ALMS1: variants seen among roughly 807,000 people sequenced by gnomAD.
ALMS1 encodes the protein ALMS1 centrosome and basal body associated protein.
A neutral mutation model predicts 352.2 loss-of-function variants in ALMS1; 271 were observed. That is an observed-to-expected ratio of 0.77 (90% CI 0.70 to 0.85). The LOEUF (loss-of-function observed/expected upper bound fraction) is 0.85. ALMS1 is among the 40% of genes least tolerant of loss of function. The pLI is 0.00. For synonymous variants in ALMS1, 1,865 were observed against 1,761.2 expected, an observed-to-expected ratio of 1.06 and a Z score of -1.48; for missense variants, 5,445 against 4,870.7, an observed-to-expected ratio of 1.12 and a Z score of -3.51.
intron 15 of ALMS1, among the ~76,000 whole-genome samples, chr2:73,559,507 A>G (rs1261788404): frequency 6.6e-6 from 1 of 152,140 alleles, no homozygotes; most frequent in African/African-American, 2.4e-5. Flanking sequence ...ATCAATACAA[A>G]CTTTTAAAAA....
At chr2:73,585,746 G>A (rs1463445215) in intron 16 of ALMS1, among the ~76,000 whole-genome samples, 4 of 50,870 alleles carry the variant, frequency 7.9e-5, no homozygotes, top group Admixed American at 1.6e-4. Flanking sequence ...TTTTTTCCCC[G>A]AGACGGAGTC....
At chr2:73,437,540 T>C (rs1230681484) in intron 7 of ALMS1, among the ~76,000 whole-genome samples, 2 of 152,216 alleles carry the variant, frequency 1.3e-5, no homozygotes, top group African/African-American at 4.8e-5. Context: ...CTTTACAGCC[T>C]TTCTCCCATG....
At chr2:73,428,809 C>G (rs1418066892) in intron 6 of ALMS1, among the ~76,000 whole-genome samples, 1 of 152,188 alleles carries the variant, frequency 6.6e-6, no homozygotes, top group South Asian at 2.1e-4. Flanking sequence ...AGTACTTTTT[C>G]TGCATGGCTT....
chr2:73,448,523 T>C lies in ALMS1; in HGVS notation c.1996T>C (p.Ser666Pro), dbSNP rs766758388. 2 of 1,613,932 alleles carry C rather than the reference T, an allele frequency of 1.2e-6. No individual in the cohort carries two copies. Among genetic ancestry groups the C allele is most frequent in the South Asian group, 1.1e-5 (1 of 91,080 alleles). Residue 666 changes from serine (S) to proline (P), a missense_variant, in exon 8 of 23, where the codon TCT becomes CCT. Ser to Pro is a moderately conservative substitution (Grantham distance 74). Coordinates refer to ENST00000613296, the MANE Select transcript of ALMS1 (RefSeq NM_001378454.1). Reference protein sequence around the residue: ...EQKTGIPTVSSTSHSHVEDLL... With the variant: ...EQKTGIPTVSPTSHSHVEDLL... The stretch of plus-strand genomic sequence containing the variant: ...GAAGACGGGAATACCTACAGTATCC[T>C]CTACATCCCACTCACATGTAGAGGA...
chr2:73,489,459 G>A (rs1342892021), intron 9 of ALMS1, among the ~76,000 whole-genome samples, 175 bp from the exon 10 acceptor site: 1 of 152,160 alleles, frequency 6.6e-6, no homozygotes, highest in Non-Finnish European at 1.5e-5. Context: ...ATTTTATTCT[G>A]TAGTTAACTG....
At chr2:73,563,722 CAAAA>C (rs1170434973) in intron 15 of ALMS1, among the ~76,000 whole-genome samples, 1 of 52,228 alleles carries the variant, frequency 1.9e-5, no homozygotes, top group Non-Finnish European at 3.2e-5. Flanking sequence ...GACTCCATCT[CAAAA>C]AAAAAAAAAA....
At chr2:73,592,337 A>G (rs1675450921) in intron 16 of ALMS1, among the ~76,000 whole-genome samples, 7 of 152,260 alleles carry the variant, frequency 4.6e-5, no homozygotes, top group Admixed American at 3.9e-4. Flanking sequence ...AATTAAATGT[A>G]TGTCACAGCA....
At chr2:73,528,590 G>A (rs1241356056) in intron 11 of ALMS1, among the ~76,000 whole-genome samples, 2 of 151,360 alleles carry the variant, frequency 1.3e-5, no homozygotes, top group Admixed American at 6.6e-5. Flanking sequence ...TTTCCATCCT[G>A]TTATTTTTAG....
chr2:73,580,647 G>A (rs1278153976), intron 16 of ALMS1, among the ~76,000 whole-genome samples: 6 of 152,108 alleles, frequency 3.9e-5, no homozygotes, highest in African/African-American at 1.4e-4. Flanking sequence ...ATAATGTTAT[G>A]TTAAAATTTT....
At chr2:73,529,532 C>T (rs1034491758) in intron 11 of ALMS1, among the ~76,000 whole-genome samples, 2 of 152,242 alleles carry the variant, frequency 1.3e-5, no homozygotes, top group Middle Eastern at 3.4e-3. Context: ...CACAGTCTGA[C>T]TTTGTTTATA....
Position 73,453,303 on chromosome 2 carries a change from T to G in ALMS1, c.6776T>G (p.Leu2259Arg). Residue 2259 changes from leucine to arginine, a missense_variant, in exon 8 of 23, where the codon CTT (leucine) becomes CGT (arginine). Coordinates refer to ENST00000613296, the MANE Select transcript of ALMS1 (RefSeq NM_001378454.1). ...GATGCAGAAAATAGTGCTAAAACTC[T>G]TAAGGAAATTCGGACACTTTTGATG... ...IQDAENSAKT[L>R]KEIRTLLMEA... 6.2e-7 allele frequency: 1 copy of G among 1,614,002 alleles called. No individual in the cohort carries two copies. Among genetic ancestry groups the G allele is most frequent in the East Asian group, 2.2e-5 (1 of 44,872 alleles).
Position 73,424,677 on chromosome 2 carries a change from C to T in ALMS1, c.1012C>T (p.Arg338Cys), listed in dbSNP as rs867586310. 1.2e-6 allele frequency: 2 copies of T among 1,613,976 alleles called. No individual in the cohort carries two copies. The highest frequency in any genetic ancestry group is 1.7e-6 in the Non-Finnish European group (2 of 1,180,000). Residue 338 changes from arginine to cysteine, a missense_variant, in exon 5 of 23, where the codon CGT becomes TGT. Coordinates refer to ENST00000613296, the MANE Select transcript of ALMS1 (RefSeq NM_001378454.1). ...ACTGAAAATTCCCAAAGACTGTGAT[C>T]GTTATGATGATCTTTGTTCATATAT... Reference protein sequence around the residue: ...DELKIPKDCDRYDDLCSYMSW... With the variant: ...DELKIPKDCDCYDDLCSYMSW...
At chr2:73,468,772 T>C (rs550369292) in intron 9 of ALMS1, among the ~76,000 whole-genome samples, 3 of 151,974 alleles carry the variant, frequency 2.0e-5, no homozygotes, top group Admixed American at 6.6e-5. Context: ...CCAATCTCTA[T>C]TGATTAAATT....
rs1364290548 is a variant in ALMS1, at chr2:73,572,643, A to G, written c.10766A>G (p.Glu3589Gly). The G allele has an allele frequency of 5.0e-6, 8 of 1,613,970 alleles. No individual in the cohort carries two copies. The highest frequency in any genetic ancestry group is 6.8e-6 in the Non-Finnish European group (8 of 1,180,006). ...DPQRDQKVTP[E>G]QTTQHTVSLN... ...CAAAGGGATCAGAAGGTCACCCCAGAGCAAACAACTCAGCACACTGTGAGT... is the reference window on the plus strand; with the variant it reads ...CAAAGGGATCAGAAGGTCACCCCAGGGCAAACAACTCAGCACACTGTGAGT... The change falls in exon 16 of 23, where the codon GAG (glutamate) becomes GGG (glycine). Residue 3589 changes from glutamate to glycine, a missense_variant. Physicochemically the swap from Glu to Gly is moderately conservative, Grantham distance 98. Coordinates refer to ENST00000613296, the MANE Select transcript of ALMS1 (RefSeq NM_001378454.1).
At chr2:73,466,277 A>G (rs542196640) in intron 9 of ALMS1, among the ~76,000 whole-genome samples, 57 of 152,240 alleles carry the variant, frequency 3.7e-4, no homozygotes, top group African/African-American at 1.3e-3. Flanking sequence ...AATGTGGCAC[A>G]TATACACCAT....
chr2:73,425,009 C>A, intron 5 of ALMS1, 107 bp downstream of exon 5: 1 of 950,656 alleles, frequency 1.1e-6, no homozygotes, highest in Non-Finnish European at 1.5e-6. Flanking sequence ...TGCCATGGAA[C>A]AAAGAGGGAA....
rs1309969006 is a variant in ALMS1 at position 73,385,951 on chromosome 2, AGGCTGCAGC to A, written c.87_95del (p.Ala33_Ala35del). 7.5e-7 allele frequency: 1 copy of A among 1,326,238 alleles called. No individual in the cohort carries two copies. Among genetic ancestry groups the A allele is most frequent in the Non-Finnish European group, 1.1e-6 (1 of 945,590 alleles). 82.2% of individuals were successfully genotyped at this position (1,326,238 alleles called of 1,614,324 possible). A position where few individuals can be genotyped will look rare whatever the true frequency, so the allele number is the denominator to read the frequency against. ...GAGGAGGAGGAGGAGGAAGAGGAGG[AGGCTGCAGC>A]GGCGGCGGCGGCGAACGTGGACGAC... On this transcript the variant is annotated inframe_deletion, in exon 1 of 23. Coordinates refer to ENST00000613296, the MANE Select transcript of ALMS1 (RefSeq NM_001378454.1).
intron 9 of ALMS1, among the ~76,000 whole-genome samples, chr2:73,463,637 C>A (rs965782649): frequency 6.4e-5 from 8 of 124,678 alleles, no homozygotes; most frequent in Non-Finnish European, 3.4e-5. Context: ...CACAAAAAAC[C>A]CTTCAAAAAA....
At chr2:73,430,659 A>G (rs887104411) in intron 6 of ALMS1, among the ~76,000 whole-genome samples, 2 of 152,160 alleles carry the variant, frequency 1.3e-5, no homozygotes, top group Non-Finnish European at 2.9e-5. Context: ...TAGATACACA[A>G]ATGCCACTGT....
Sources: allele counts gnomAD v4.1 joint callset (sites outside exome capture counted in the v4.1 genomes callset), GRCh38; gene constraint gnomAD v4.1.1; transcripts MANE v1.5; gene names NCBI Gene and HGNC (gene_info 2026-07-23, HGNC 2026-07-21).